NRXN1: variants seen among roughly 807,000 people sequenced by gnomAD.
The protein encoded by NRXN1 is neurexin 1.
A neutral mutation model predicts 150.9 loss-of-function variants in NRXN1; 39 were observed. The ratio of observed to expected loss-of-function variants is 0.26; its 90% CI spans 0.20 to 0.34. NRXN1 has a LOEUF of 0.34. Among genes scored for constraint, NRXN1 ranks in the 10% least tolerant of loss-of-function variants. The pLI is 1.00. For synonymous variants in NRXN1, 924 were observed against 757.0 expected (o/e 1.22, Z -3.62); for missense variants, 1,815 against 1,949.9 (o/e 0.93, Z 1.30).
At chr2:50,045,687 A>G (rs1260711744) in intron 21 of NRXN1, among the ~76,000 whole-genome samples, 3 of 152,218 alleles carry the variant, frequency 2.0e-5, no homozygotes, top group African/African-American at 7.2e-5. Context: ...ACTAGGTTAT[A>G]TTCTTGCTAC....
chr2:50,889,744 T>A (rs367966295), intron 5 of NRXN1, among the ~76,000 whole-genome samples: 1 of 151,674 alleles, frequency 6.6e-6, no homozygotes, highest in East Asian at 1.9e-4. Flanking sequence ...ACACTTTTAG[T>A]AAACTTTAGA....
intron 5 of NRXN1, among the ~76,000 whole-genome samples, chr2:50,888,697 T>C (rs1296623834): frequency 6.6e-6 from 1 of 151,690 alleles, no homozygotes; most frequent in Non-Finnish European, 1.5e-5. Context: ...TTGACAATGA[T>C]AATTTCTAAT....
chr2:50,823,286 C>T (rs1231140180), intron 5 of NRXN1, among the ~76,000 whole-genome samples: 3 of 152,136 alleles, frequency 2.0e-5, no homozygotes, highest in Non-Finnish European at 2.9e-5. Context: ...AGTGAGAAGA[C>T]TGAGTTAACT....
In NRXN1 at chr2:50,922,600, A is replaced by G. The variant is rs1478498015; in HGVS notation, c.820+58T>C. On this transcript the variant is annotated intron_variant, in intron 4 of 22. Transcript: ENST00000401669. ...CCATCCTTTGCAGTGATGGTTTGAAAGCAGCTACAGAACAAGAAAACACTG... is the reference window on the plus strand; with the variant it reads ...CCATCCTTTGCAGTGATGGTTTGAAGGCAGCTACAGAACAAGAAAACACTG... 1.9e-6 allele frequency: 3 copies of G among 1,565,080 alleles called. No individual in the cohort carries two copies. The African/African-American group carries it at 4.1e-5, about 21-fold the overall frequency.
intron 2 of NRXN1, among the ~76,000 whole-genome samples, chr2:50,994,004 C>T (rs899138305): frequency 3.3e-5 from 5 of 151,870 alleles, no homozygotes; most frequent in African/African-American, 9.7e-5. Context: ...AAATACACAC[C>T]GACAAAACCT....
At chr2:50,288,927 G>A (rs2072547606) in intron 17 of NRXN1, among the ~76,000 whole-genome samples, 1 of 152,162 alleles carries the variant, frequency 6.6e-6, no homozygotes, top group African/African-American at 2.4e-5. Flanking sequence ...AAAGTCAGAT[G>A]CAGAGATTGT....
chr2:50,841,324 G>C (rs569376121), intron 5 of NRXN1, among the ~76,000 whole-genome samples: 3 of 152,192 alleles, frequency 2.0e-5, no homozygotes, highest in Non-Finnish European at 4.4e-5. Context: ...GCCATACCTG[G>C]ATTTTCCTAT....
At chr2:50,759,909 T>A (rs1328989588) in intron 5 of NRXN1, among the ~76,000 whole-genome samples, 1 of 150,768 alleles carries the variant, frequency 6.6e-6, no homozygotes, top group Non-Finnish European at 1.5e-5. Context: ...GGGGTGAAGA[T>A]CACTCCTATA....
chr2:50,034,266 G>T (rs1573526846), intron 21 of NRXN1, among the ~76,000 whole-genome samples: 1 of 152,164 alleles, frequency 6.6e-6, no homozygotes, highest in East Asian at 1.9e-4. Context: ...TGGTAGACTG[G>T]ATAAAGAAAT....
At chr2:50,314,526 T>A (rs2075434178) in intron 17 of NRXN1, among the ~76,000 whole-genome samples, 1 of 151,738 alleles carries the variant, frequency 6.6e-6, no homozygotes, top group Non-Finnish European at 1.5e-5. Context: ...GAAAAAAAAA[T>A]CATTCCATAT....
intron 17 of NRXN1, among the ~76,000 whole-genome samples, chr2:50,251,437 G>C (rs1166378941): frequency 2.6e-5 from 4 of 151,962 alleles, no homozygotes; most frequent in African/African-American, 9.7e-5. Flanking sequence ...TCATTGATGG[G>C]CATTTGGAGT....
intron 8 of NRXN1, among the ~76,000 whole-genome samples, chr2:50,562,993 G>A (rs1017221347): frequency 2.0e-5 from 3 of 151,694 alleles, no homozygotes; most frequent in Admixed American, 6.6e-5. Flanking sequence ...AATTTCGCAC[G>A]TTTTTTCCTT....
intron 18 of NRXN1, among the ~76,000 whole-genome samples, chr2:50,166,157 T>C (rs2059667529): frequency 6.6e-6 from 1 of 152,174 alleles, no homozygotes; most frequent in African/African-American, 2.4e-5. Context: ...TTTTGGATTT[T>C]GGATTTTCAG....
At chr2:50,432,388 C>T (rs760472689) in intron 17 of NRXN1, 6 of 152,166 alleles carry the variant, frequency 3.9e-5, no homozygotes, top group African/African-American at 1.2e-4. Context: ...ATCTCACGCA[C>T]GTATTTACAT....
At chr2:50,860,675 T>C (rs1388977749) in intron 5 of NRXN1, among the ~76,000 whole-genome samples, 5 of 152,032 alleles carry the variant, frequency 3.3e-5, no homozygotes, top group Admixed American at 1.3e-4. Flanking sequence ...TTTGGATGCA[T>C]GGGCAAGTCA....
intron 18 of NRXN1, among the ~76,000 whole-genome samples, chr2:50,233,028 T>C (rs2065094401): frequency 6.6e-6 from 1 of 151,960 alleles, no homozygotes; most frequent in Non-Finnish European, 1.5e-5. Flanking sequence ...TTCTCAGAGT[T>C]ATATAGAAAT....
rs114062620 is a variant in NRXN1 at position 50,631,306 on chromosome 2, T to C, written c.833-7691A>G. ...ACCTCGAGACCAATCCAGAAATAAA[T>C]TGCCAAGCTTCTATCAAATAATTCA... On this transcript the variant is annotated intron_variant, in intron 5 of 22. Coordinates refer to ENST00000401669, the MANE Select transcript of NRXN1 (RefSeq NM_001330078.2). The C allele has an allele frequency of 3.0e-3, 874 of 295,046 alleles. 7 individuals are homozygous for C. Among genetic ancestry groups the C allele is most frequent in the African/African-American group, 0.02 (844 of 42,552 alleles). The allele number at this position is 295,046 out of a possible 1,614,324, so 18.3% of individuals were successfully genotyped here. A position where few individuals can be genotyped will look rare whatever the true frequency, so the allele number is the denominator to read the frequency against.
chr2:50,980,746 T>C (rs1004597699), intron 2 of NRXN1, among the ~76,000 whole-genome samples: 2 of 152,182 alleles, frequency 1.3e-5, no homozygotes, highest in Non-Finnish European at 2.9e-5. Flanking sequence ...AGTTGCCATA[T>C]GATAAAGTGA....
intron 12 of NRXN1, among the ~76,000 whole-genome samples, chr2:50,516,080 T>G (rs985364337): frequency 1.3e-5 from 2 of 152,216 alleles, no homozygotes; most frequent in African/African-American, 4.8e-5. Context: ...ACCTGTTTGT[T>G]TTAATTTTTC....
Sources: gnomAD v4.1 joint callset for allele counts (sites outside exome capture counted in the v4.1 genomes callset) on GRCh38, gnomAD v4.1.1 for gene constraint, MANE v1.5 for transcripts, NCBI Gene and HGNC (gene_info 2026-07-23, HGNC 2026-07-21) for gene names.